Variants in GABPB2 observed in about 807,000 individuals in gnomAD.
The protein encoded by GABPB2 is GA binding protein transcription factor subunit beta 2, also known as GA-binding protein subunit beta-2.
In GABPB2, 23 loss-of-function variants were observed where a neutral mutation model predicts 39.1. That is an observed-to-expected ratio of 0.59 (90% confidence interval 0.42 to 0.83). The LOEUF (loss-of-function observed/expected upper bound fraction) is 0.83. GABPB2 is among the 40% of genes least tolerant of loss of function. The pLI, the probability that GABPB2 is intolerant of heterozygous loss-of-function variation, is 0.00. For missense variants in GABPB2, 467 were observed against 541.1 expected, an observed-to-expected ratio of 0.86 and a Z score of 1.36; for synonymous variants, 184 against 199.3, an observed-to-expected ratio of 0.92 and a Z score of 0.65.
At chr1:151,096,151 T>G in intron 4 of GABPB2, among the ~76,000 whole-genome samples, 1 of 151,640 alleles carries the variant, frequency 6.6e-6, no homozygotes, top group African/African-American at 2.4e-5. Flanking sequence ...TGGCTGGGCG[T>G]GGTGGCTCAT....
Position 151,124,260 on chromosome 1 carries a change from C to T in GABPB2, c.*6004C>T, listed in dbSNP as rs1681295540. On this transcript the variant is annotated 3_prime_UTR_variant, in exon 9 of 9. Coordinates refer to ENST00000368918, the MANE Select transcript of GABPB2 (RefSeq NM_144618.3). The stretch of plus-strand genomic sequence containing the variant: ...CATTGCAACCTCTGTCTCCCGGGTT[C>T]AAGCGATTCTTCTGCCTCAGCCTCT... 6.6e-6 allele frequency: 1 copy of T among 150,730 alleles called. No homozygotes were observed. The highest frequency in any genetic ancestry group is 2.4e-5 in the African/African-American group (1 of 41,064). 9.3% of individuals were successfully genotyped at this position (150,730 alleles called of 1,614,324 possible). A position where few individuals can be genotyped will look rare whatever the true frequency, so the allele number is the denominator to read the frequency against.
At chr1:151,088,037 A>G in intron 1 of GABPB2, 153 bp from the exon 2 acceptor site, 2 of 589,824 alleles carry the variant, frequency 3.4e-6, no homozygotes, top group Admixed American at 5.9e-5. Context: ...TGTTTGTGTT[A>G]GACGAGGTAG....
At chr1:151,095,469 A>G (rs1245402395) in intron 4 of GABPB2, among the ~76,000 whole-genome samples, 2 of 152,166 alleles carry the variant, frequency 1.3e-5, no homozygotes, top group East Asian at 3.8e-4. Context: ...ATTGTTTGGA[A>G]TGTGGCACAC....
chr1:151,096,229 G>A (rs760880733), intron 4 of GABPB2, among the ~76,000 whole-genome samples: 11 of 152,010 alleles, frequency 7.2e-5, no homozygotes, highest in Admixed American at 2.0e-4. Context: ...TTCAACGCCA[G>A]CCTGGGCAAC....
intron 1 of GABPB2, among the ~76,000 whole-genome samples, chr1:151,081,115 C>T (rs867363177): frequency 8.6e-5 from 13 of 151,424 alleles, no homozygotes; most frequent in African/African-American, 2.4e-4. Flanking sequence ...CTTCGTCATC[C>T]GCCCGTCTCG....
chr1:151,086,800 T>A (rs1678236622), intron 1 of GABPB2, among the ~76,000 whole-genome samples: 1 of 152,104 alleles, frequency 6.6e-6, no homozygotes. Flanking sequence ...CCTGAGTAGC[T>A]GAGACTATAG....
In GABPB2 at chr1:151,102,426, A is replaced by G. The variant is rs587623261; in HGVS notation, c.623-1136A>G. 3.9e-5 allele frequency among the ~76,000 whole-genome samples: 6 copies of G among 152,286 alleles called. No individual in the cohort carries two copies. In the East Asian group the frequency reaches 9.6e-4, roughly 24 times the overall value. On this transcript the variant is annotated intron_variant, in intron 5 of 8. Coordinates refer to ENST00000368918, the MANE Select transcript of GABPB2 (RefSeq NM_144618.3). ...CTATTGTACTACCCTTTGACATTCA[A>G]TATATGAAACTTTTTATTTATATAT...
rs1350086941 is a variant in GABPB2, at chr1:151,124,571, G to A, written c.*6315G>A. The A allele has an allele frequency of 6.6e-6, 1 of 151,138 alleles. No homozygotes were observed. The highest frequency in any genetic ancestry group is 1.5e-5 in the Non-Finnish European group (1 of 67,936). The allele number at this position is 151,138 out of a possible 1,614,324, so 9.4% of individuals were successfully genotyped here. On this transcript the variant is annotated 3_prime_UTR_variant, in exon 9 of 9. Transcript: ENST00000368918. ...TTGATGCATTTACTGAACTCTTCCT[G>A]AAAGTTTAATATGGAGTGGGAATCA...
intron 6 of GABPB2, among the ~76,000 whole-genome samples, chr1:151,104,793 C>CTTTT (rs1558151398): frequency 1.1e-4 from 6 of 55,636 alleles, no homozygotes; most frequent in Non-Finnish European, 2.6e-4. Flanking sequence ...TTCTTTCTTT[C>CTTTT]TTTCTTTCTT....
Position 151,121,712 on chromosome 1 carries a change from A to G in GABPB2, c.*3456A>G, listed in dbSNP as rs1373256121. 1 of 152,192 alleles carries G rather than the reference A, an allele frequency of 6.6e-6. No homozygotes were observed. The highest frequency in any genetic ancestry group is 1.9e-4 in the East Asian group (1 of 5,202). 9.4% of individuals were successfully genotyped at this position (152,192 alleles called of 1,614,324 possible). A position where few individuals can be genotyped will look rare whatever the true frequency, so the allele number is the denominator to read the frequency against. ...CTCGACCTCCCAAAGTGCTGGGATT[A>G]TAGGCGTGAGCCACTGCGCCTGACC... On this transcript the variant is annotated 3_prime_UTR_variant, in exon 9 of 9. Coordinates refer to ENST00000368918, the MANE Select transcript of GABPB2 (RefSeq NM_144618.3).
intron 1 of GABPB2, among the ~76,000 whole-genome samples, chr1:151,083,629 G>A (rs1011928903): frequency 1.3e-5 from 2 of 150,214 alleles, no homozygotes; most frequent in Non-Finnish European, 2.9e-5. Context: ...GCAAGACTCC[G>A]TCTCTATAGA....
chr1:151,097,980 A>G lies in GABPB2; in HGVS notation c.600A>G (p.Ser200=). ...EVVNLASLIS[S]TNTKTTSGDP... is the part of the protein sequence containing the mutation. ...TTAACCTCGCAAGCCTTATTTCTTCAACCAACACCAAAACAACCTCAGGTA... is the reference window on the plus strand; with the variant it reads ...TTAACCTCGCAAGCCTTATTTCTTCGACCAACACCAAAACAACCTCAGGTA... Residue 200 remains serine, a synonymous_variant, in exon 5 of 9, where the codon TCA becomes TCG. Coordinates refer to ENST00000368918, the MANE Select transcript of GABPB2 (RefSeq NM_144618.3). The G allele has an allele frequency of 1.2e-6, 2 of 1,614,054 alleles. No individual in the cohort carries two copies. Among genetic ancestry groups the G allele is most frequent in the East Asian group, 2.2e-5 (1 of 44,874 alleles).
chr1:151,075,099 GC>G (rs1247449496), intron 1 of GABPB2, among the ~76,000 whole-genome samples: 2 of 152,060 alleles, frequency 1.3e-5, no homozygotes, highest in Non-Finnish European at 2.9e-5. Context: ...CCGAGATCGT[GC>G]CACCGCACTC....
chr1:151,111,500 G>A (rs1260507420), intron 7 of GABPB2, among the ~76,000 whole-genome samples: 1 of 150,748 alleles, frequency 6.6e-6, no homozygotes, highest in East Asian at 2.0e-4. Context: ...TCGGCTCACC[G>A]CAAGCTCCAC....
intron 5 of GABPB2, 24 bp downstream of exon 5, chr1:151,098,026 T>G: frequency 6.2e-7 from 1 of 1,609,162 alleles, no homozygotes; most frequent in Non-Finnish European, 8.5e-7. Context: ...AACATGAAAT[T>G]TATTTTAGAC....
At chr1:151,091,519 G>A (rs1326253429) in intron 3 of GABPB2, among the ~76,000 whole-genome samples, 1 of 139,966 alleles carries the variant, frequency 7.1e-6, no homozygotes, top group Non-Finnish European at 1.5e-5. Context: ...CTATCGCCCA[G>A]GCTCGAGTGC....
intron 7 of GABPB2, among the ~76,000 whole-genome samples, chr1:151,110,618 A>C (rs1293593594): frequency 6.6e-6 from 1 of 151,808 alleles, no homozygotes; most frequent in Non-Finnish European, 1.5e-5. Flanking sequence ...AAGCCACCAC[A>C]CCCAGCTAAT....
chr1:151,104,802 T>TTTCTTTCTTTCTCTTTC (rs10638922), intron 6 of GABPB2, among the ~76,000 whole-genome samples: 3 of 139,360 alleles, frequency 2.2e-5, no homozygotes, highest in African/African-American at 8.6e-5. Flanking sequence ...TCTTTCTTTC[T>TTTCTTTCTTTCTCTTTC]TTTCTTTCTT....
intron 5 of GABPB2, among the ~76,000 whole-genome samples, chr1:151,099,684 T>C (rs1454123733): frequency 4.6e-5 from 7 of 152,138 alleles, no homozygotes; most frequent in Non-Finnish European, 1.5e-5. Flanking sequence ...TATTGAGAGG[T>C]AGTGTGGTAA....
Sources: allele counts gnomAD v4.1 joint callset (sites outside exome capture counted in the v4.1 genomes callset), GRCh38; gene constraint gnomAD v4.1.1; transcripts MANE v1.5; gene names NCBI Gene and HGNC (gene_info 2026-07-23, HGNC 2026-07-21).